GPATCH2L: variants seen among roughly 807,000 people sequenced by gnomAD.
The protein encoded by GPATCH2L is G patch domain-containing protein 2-like.
Under a neutral mutation model 57.4 loss-of-function variants are expected in GPATCH2L, and 31 were observed. The observed-to-expected ratio is 0.54, with a 90% CI of 0.41 to 0.73. GPATCH2L has a LOEUF of 0.73. GPATCH2L is among the 30% of genes least tolerant of loss of function. The probability of loss-of-function intolerance (pLI) is 0.00; values close to 1 mark genes in which losing one functional copy is unlikely to be tolerated. For missense variants in GPATCH2L, 481 were observed against 599.9 expected (o/e 0.80, Z 2.07); for synonymous variants, 199 against 210.7 (o/e 0.94, Z 0.48).
intron 2 of GPATCH2L, 74 bp downstream of exon 2, chr14:76,155,099 G>A: frequency 8.2e-7 from 1 of 1,221,814 alleles, no homozygotes; most frequent in Non-Finnish European, 1.1e-6. Context: ...GGTCTTAGTG[G>A]GTTCTACCTT....
Position 76,155,344 on chromosome 14 carries a change from ATTG to A in GPATCH2L, c.662+325_662+327del, listed in dbSNP as rs369363175. Among the ~76,000 whole-genome samples, 15 of 152,376 alleles carry A rather than the reference ATTG, an allele frequency of 9.8e-5. No individual in the cohort carries two copies. In the East Asian group the frequency reaches 2.7e-3, roughly 27 times the overall value. ...TATGCCATACAGTTTATACATAAAT[ATTG>A]TTGTTTAGAACTCAGGTCTCAGCAG... On this transcript the variant is annotated intron_variant, in intron 2 of 9. Transcript: ENST00000261530.
At chr14:76,228,224 C>A (rs1215818779) in intron 1 of GPATCH2L, among the ~76,000 whole-genome samples, 1 of 151,886 alleles carries the variant, frequency 6.6e-6, no homozygotes, top group Non-Finnish European at 1.5e-5. Flanking sequence ...TACCCTGAAA[C>A]CCCAGAAGGA....
intron 1 of GPATCH2L, among the ~76,000 whole-genome samples, chr14:76,226,570 A>T (rs1314294021): frequency 1.3e-5 from 2 of 152,214 alleles, no homozygotes; most frequent in Non-Finnish European, 2.9e-5. Flanking sequence ...TGGAAACTTC[A>T]TCCCCAATGC....
At position 76,202,029 on chromosome 14, in the gene GPATCH2L, C is replaced by CT; in HGVS notation, c.*186dup. ...TCTCAGAAGATCATGTTGTGGGAAT[C>CT]TTTTTTTTAAATAGTGAAATATTGA... is the stretch of plus-strand genomic sequence containing the variant. On this transcript the variant is annotated 3_prime_UTR_variant, in exon 10 of 10. Transcript: ENST00000261530. 4.9e-5 allele frequency: 24 copies of CT among 491,208 alleles called. No homozygotes were observed. The highest frequency in any genetic ancestry group is 2.1e-4 in the South Asian group (5 of 24,308). The allele number at this position is 491,208 out of a possible 1,614,324, so 30.4% of individuals were successfully genotyped here.
At chr14:76,168,633 T>C (rs181172740) in intron 3 of GPATCH2L, among the ~76,000 whole-genome samples, 1 of 152,314 alleles carries the variant, frequency 6.6e-6, no homozygotes, top group East Asian at 1.9e-4. Flanking sequence ...GTGACCAGGC[T>C]AGACCACAAG....
intron 1 of GPATCH2L, among the ~76,000 whole-genome samples, chr14:76,227,845 T>C (rs8018865): frequency 0.92 from 139,686 of 152,204 alleles, 64,716 homozygotes; most frequent in East Asian, 1. Flanking sequence ...ACCACAGGAA[T>C]CCTACGTAGA....
chr14:76,221,807 A>G (rs190730670), intron 1 of GPATCH2L, among the ~76,000 whole-genome samples: 2 of 152,316 alleles, frequency 1.3e-5, no homozygotes, highest in East Asian at 3.9e-4. Context: ...ATTGTTGCCA[A>G]GGGTTAGATG....
In GPATCH2L at chr14:76,222,076, A is replaced by G. The variant is rs558065056; in HGVS notation, c.66-7732A>G. On this transcript the variant is annotated intron_variant and NMD_transcript_variant, in intron 1 of 3. Coordinates refer to the GPATCH2L transcript ENST00000556372. The stretch of plus-strand genomic sequence containing the variant: ...GTGCATGTGTGGGGGAAGAAGGTAT[A>G]TGGGAATTCTCTGTACTCCTGCTCA... Among the ~76,000 whole-genome samples, 7 of 152,294 alleles carry G rather than the reference A, an allele frequency of 4.6e-5. No homozygotes were observed. The East Asian group carries it at 1.4e-3, about 29-fold the overall frequency.
In GPATCH2L at chr14:76,154,350, G is replaced by T; in HGVS notation, c.-10-4G>T. 4.6e-6 allele frequency: 7 copies of T among 1,523,392 alleles called. No individual in the cohort carries two copies. Among genetic ancestry groups the T allele is most frequent in the Non-Finnish European group, 6.2e-6 (7 of 1,131,946 alleles). The allele number at this position is 1,523,392 out of a possible 1,614,324, so 94.4% of individuals were successfully genotyped here. A position where few individuals can be genotyped will look rare whatever the true frequency, so the allele number is the denominator to read the frequency against. ...TCTTTTTTTCCTAAACTTCCTTTTG[G>T]CAGATGTGGCCTCATGGATGAGCTG... On this transcript the variant is annotated splice_region_variant and splice_polypyrimidine_tract_variant and intron_variant, in intron 1 of 9. Coordinates refer to ENST00000261530, the MANE Select transcript of GPATCH2L (RefSeq NM_017926.4). This position sits in a 1 kb window ranked among gnomAD's most constrained non-coding sequence, Gnocchi z 4.4.
At chr14:76,215,187 A>G (rs1329229448), downstream of GPATCH2L, among the ~76,000 whole-genome samples, 3 of 152,200 alleles carry the variant, frequency 2.0e-5, no homozygotes, top group African/African-American at 7.2e-5. Flanking sequence ...ACTGGCCATC[A>G]GAGAAATGCA....
chr14:76,200,523 A>T (rs1229274781), intron 9 of GPATCH2L, among the ~76,000 whole-genome samples: 4 of 152,118 alleles, frequency 2.6e-5, no homozygotes, highest in Non-Finnish European at 5.9e-5. Flanking sequence ...GAGTTGTCAA[A>T]TGTATTTCCT....
At chr14:76,197,337 A>G (rs1180871583) in intron 9 of GPATCH2L, among the ~76,000 whole-genome samples, 1 of 152,084 alleles carries the variant, frequency 6.6e-6, no homozygotes, top group Non-Finnish European at 1.5e-5. Context: ...CTTAATATCT[A>G]GCTTTTATTT....
At chr14:76,174,510 T>TA (rs1375653743) in intron 5 of GPATCH2L, 3 of 152,272 alleles carry the variant, frequency 2.0e-5, no homozygotes, top group African/African-American at 7.2e-5. Context: ...CTTAAGGGGA[T>TA]ACTGTTTTAT....
intron 2 of GPATCH2L, among the ~76,000 whole-genome samples, chr14:76,231,276 G>T (rs2040560174): frequency 6.6e-6 from 1 of 152,132 alleles, no homozygotes. Context: ...GGTTTGCCAG[G>T]CTGAAGCCCC....
At position 76,228,708 on chromosome 14, in the gene GPATCH2L, C is replaced by T. The variant is rs909125758; in HGVS notation, c.66-1100C>T. ...TTTGGTGCCCACTCCTCATCTGTCT[C>T]CTCCCTCTGTGTCCTTTGGTGACTG... On this transcript the variant is annotated intron_variant and NMD_transcript_variant, in intron 1 of 3. Transcript: ENST00000556372. Among the ~76,000 whole-genome samples the T allele has an allele frequency of 5.9e-5, 9 of 152,318 alleles. No individual in the cohort carries two copies. In the South Asian group the frequency reaches 1.7e-3, roughly 28 times the overall value.
chr14:76,193,005 C>G (rs541883498), intron 8 of GPATCH2L, among the ~76,000 whole-genome samples: 1 of 152,048 alleles, frequency 6.6e-6, no homozygotes, highest in South Asian at 2.1e-4. Flanking sequence ...GACAATTGAC[C>G]TGAAGGCTTA....
intron 2 of GPATCH2L, among the ~76,000 whole-genome samples, chr14:76,232,876 C>G (rs1249749887): frequency 6.6e-6 from 1 of 152,154 alleles, no homozygotes; most frequent in East Asian, 1.9e-4. Flanking sequence ...GTTGACTGCC[C>G]GTGCAGCTGC....
intron 5 of GPATCH2L, 148 bp downstream of exon 5, chr14:76,173,773 A>G: frequency 1.7e-6 from 1 of 600,996 alleles, no homozygotes. Flanking sequence ...AAGAGTGAAC[A>G]TTATGTAGAA....
At chr14:76,179,731 T>C (rs1215050789) in intron 7 of GPATCH2L, 1 of 152,154 alleles carries the variant, frequency 6.6e-6, no homozygotes, top group Non-Finnish European at 1.5e-5. Flanking sequence ...GACTGTTATG[T>C]TGTGGGAAAA....
Sources: allele counts gnomAD v4.1 joint callset (sites outside exome capture counted in the v4.1 genomes callset), GRCh38; gene constraint gnomAD v4.1.1; non-coding constraint Gnocchi (gnomAD v3.1); transcripts MANE v1.5; gene names NCBI Gene and HGNC (gene_info 2026-07-23, HGNC 2026-07-21).